NAALADL2: variants seen among roughly 807,000 people sequenced by gnomAD.
The protein encoded by NAALADL2 is N-acetylated alpha-linked acidic dipeptidase like 2.
A neutral mutation model predicts 87.2 loss-of-function variants in NAALADL2; 76 were observed. That is an observed-to-expected ratio of 0.87 (90% CI 0.72 to 1.05). NAALADL2 has a LOEUF of 1.05. NAALADL2 is among the 50% of genes least tolerant of loss of function. The pLI is 0.00. For missense variants in NAALADL2, 1,089 were observed against 945.8 expected (o/e 1.15, Z -1.99); for synonymous variants, 354 against 331.0 (o/e 1.07, Z -0.75).
At chr3:174,488,045 G>T (rs1263861659) in intron 1 of NAALADL2, among the ~76,000 whole-genome samples, 2 of 151,994 alleles carry the variant, frequency 1.3e-5, no homozygotes, top group Non-Finnish European at 2.9e-5. Flanking sequence ...ATGGATGTCA[G>T]GTAGAGACGA....
At chr3:174,515,662 A>G (rs1188329592) in intron 1 of NAALADL2, among the ~76,000 whole-genome samples, 1 of 151,268 alleles carries the variant, frequency 6.6e-6, no homozygotes, top group East Asian at 2.0e-4. Context: ...TAGGAAAAGT[A>G]GTTGAAATCA....
chr3:175,005,649 T>G (rs142218693), intron 1 of NAALADL2, among the ~76,000 whole-genome samples: 8 of 152,200 alleles, frequency 5.3e-5, no homozygotes, highest in African/African-American at 1.9e-4. Context: ...CACTCCTATA[T>G]TATGAAATGT....
intron 1 of NAALADL2, among the ~76,000 whole-genome samples, chr3:174,908,021 GTT>G (rs35051279): frequency 0.076 from 6,311 of 82,514 alleles, 78 homozygotes; most frequent in African/African-American, 0.092. Flanking sequence ...AGAGAAGTTG[GTT>G]TTTTTTTTTT....
At chr3:175,393,457 C>G (rs931148582) in intron 5 of NAALADL2, among the ~76,000 whole-genome samples, 1 of 151,544 alleles carries the variant, frequency 6.6e-6, no homozygotes, top group Non-Finnish European at 1.5e-5. Flanking sequence ...TACTACTATG[C>G]AAATTTGTCT....
chr3:175,065,716 GA>G (rs1051477570), intron 1 of NAALADL2, among the ~76,000 whole-genome samples: 25 of 152,042 alleles, frequency 1.6e-4, no homozygotes, highest in African/African-American at 5.3e-4. Context: ...AGGTCATGGA[GA>G]AAAAAAAGAG....
intron 2 of NAALADL2, among the ~76,000 whole-genome samples, chr3:174,642,864 C>T (rs1172074177): frequency 1.3e-5 from 2 of 150,252 alleles, no homozygotes; most frequent in Non-Finnish European, 3.0e-5. Context: ...CTCACTGCAG[C>T]CTCAACCTCG....
chr3:175,524,393 GC>G (rs1309708795), intron 9 of NAALADL2, among the ~76,000 whole-genome samples: 1 of 152,108 alleles, frequency 6.6e-6, no homozygotes, highest in Non-Finnish European at 1.5e-5. Flanking sequence ...TTTGTTTCAA[GC>G]CTTTACTTAC....
At chr3:175,548,297 G>A (rs975397617) in intron 9 of NAALADL2, among the ~76,000 whole-genome samples, 5 of 151,982 alleles carry the variant, frequency 3.3e-5, no homozygotes, top group Non-Finnish European at 7.4e-5. Flanking sequence ...AACTAACACA[G>A]GAACAGAAAA....
intron 5 of NAALADL2, among the ~76,000 whole-genome samples, chr3:175,347,212 C>T (rs567916174): frequency 6.6e-6 from 1 of 152,164 alleles, no homozygotes; most frequent in African/African-American, 2.4e-5. Context: ...TGACATCTCT[C>T]CCTTTCGTCA....
chr3:174,755,822 C>A (rs1045266503), intron 3 of NAALADL2, among the ~76,000 whole-genome samples: 3 of 152,198 alleles, frequency 2.0e-5, no homozygotes, highest in African/African-American at 4.8e-5. Context: ...ATATCTACTT[C>A]TCCATAGTTA....
intron 1 of NAALADL2, chr3:175,081,091 CAG>C (rs1229201817): frequency 6.6e-6 from 1 of 152,140 alleles, no homozygotes; most frequent in Non-Finnish European, 1.5e-5. Flanking sequence ...CCACGGCTGT[CAG>C]AGCAAGACCA....
At chr3:175,680,165 C>G (rs16826117) in intron 11 of NAALADL2, among the ~76,000 whole-genome samples, 4,347 of 152,188 alleles carry the variant, frequency 0.029, 206 homozygotes, top group African/African-American at 0.099. Context: ...TTCTGGAAAG[C>G]CTTGCTCTTT....
chr3:175,314,121 C>T (rs1758738351), intron 4 of NAALADL2, among the ~76,000 whole-genome samples: 1 of 150,878 alleles, frequency 6.6e-6, no homozygotes, highest in Admixed American at 6.6e-5. Context: ...TCTCTCTTAC[C>T]TTCTCTGGCA....
chr3:174,758,297 G>T (rs567248242), intron 3 of NAALADL2, among the ~76,000 whole-genome samples: 2 of 152,202 alleles, frequency 1.3e-5, no homozygotes, highest in Non-Finnish European at 2.9e-5. Flanking sequence ...AGTGACAGGA[G>T]GTCAGATGTT....
intron 4 of NAALADL2, among the ~76,000 whole-genome samples, chr3:175,276,048 G>A (rs932472157): frequency 6.7e-6 from 1 of 150,252 alleles, no homozygotes; most frequent in Admixed American, 6.6e-5. Flanking sequence ...TGAAAAAATG[G>A]CCTTATTTTT....
chr3:175,443,374 G>T (rs1013759913), intron 5 of NAALADL2, among the ~76,000 whole-genome samples: 1 of 152,152 alleles, frequency 6.6e-6, no homozygotes, highest in African/African-American at 2.4e-5. Context: ...ATGGAATGCA[G>T]TTATTGATTT....
intron 5 of NAALADL2, among the ~76,000 whole-genome samples, chr3:175,426,084 C>T (rs1049259480): frequency 1.1e-4 from 17 of 152,276 alleles, no homozygotes; most frequent in African/African-American, 3.8e-4. Flanking sequence ...TGACTTATGG[C>T]CGGGTGCAGT....
chr3:175,594,853 T>A (rs1722035407), intron 10 of NAALADL2, among the ~76,000 whole-genome samples: 1 of 152,114 alleles, frequency 6.6e-6, no homozygotes, highest in South Asian at 2.1e-4. Context: ...TGGGGTTATT[T>A]TTTGCTTGCT....
intron 1 of NAALADL2, among the ~76,000 whole-genome samples, chr3:174,506,062 C>T (rs895961024): frequency 1.3e-5 from 2 of 151,968 alleles, no homozygotes; most frequent in African/African-American, 4.8e-5. Flanking sequence ...GAGATGAGAT[C>T]ATCATTGAGA....
Sources: gnomAD v4.1 joint callset for allele counts (sites outside exome capture counted in the v4.1 genomes callset) on GRCh38, gnomAD v4.1.1 for gene constraint, MANE v1.5 for transcripts, NCBI Gene and HGNC (gene_info 2026-07-23, HGNC 2026-07-21) for gene names.